RFTN1: variants seen among roughly 807,000 people sequenced by gnomAD.
RFTN1 encodes the protein raftlin, lipid raft linker 1.
RFTN1 carries 26 observed loss-of-function variants against 46.5 expected under a neutral mutation model. The observed-to-expected ratio is 0.56, with a 90% CI of 0.41 to 0.78. The LOEUF is 0.78. RFTN1 is among the 30% of genes least tolerant of loss of function. The pLI, the probability that RFTN1 is intolerant of heterozygous loss-of-function variation, is 0.00. For synonymous variants in RFTN1, 261 were observed against 284.2 expected (o/e 0.92, Z 0.82); for missense variants, 693 against 718.7 (o/e 0.96, Z 0.41).
rs945286332 is a variant in RFTN1, at chr3:16,387,818, C to T, written c.442-9716G>A. 2.6e-5 allele frequency among the ~76,000 whole-genome samples: 4 copies of T among 152,056 alleles called. No homozygotes were observed. Among genetic ancestry groups the T allele is most frequent in the East Asian group, 3.9e-4 (2 of 5,182 alleles). ...AGCCCTCCTGTCACCTCCATGACGC[C>T]AAATCCCACAGGCTTTTTAGCCCTC... On this transcript the variant is annotated intron_variant, in intron 4 of 9. Transcript: ENST00000334133. This position sits in a 1 kb window ranked among gnomAD's most constrained non-coding sequence, Gnocchi z 5.2.
In RFTN1 at chr3:16,461,440, A is replaced by G. The variant is rs545265877; in HGVS notation, c.146-27403T>C. Among the ~76,000 whole-genome samples, 4 of 152,366 alleles carry G rather than the reference A, an allele frequency of 2.6e-5. No homozygotes were observed. The South Asian group carries it at 8.3e-4, about 32-fold the overall frequency. On this transcript the variant is annotated intron_variant, in intron 2 of 9. Transcript: ENST00000334133. ...TATATACACATACACGTACATAAATACATACACATAAATGTATGAATTTTC... is the reference window on the plus strand; with the variant it reads ...TATATACACATACACGTACATAAATGCATACACATAAATGTATGAATTTTC...
Position 16,468,076 on chromosome 3 carries a change from C to T in RFTN1, c.145+25649G>A. ...CAAAGACTGGAACATTCAGGAAGTG[C>T]TTACTCAAAACATAGAAACATCAAT... On this transcript the variant is annotated intron_variant, in intron 2 of 9. Transcript: ENST00000334133. The surrounding 1 kb of genome is among the most constrained non-coding windows in gnomAD (Gnocchi z 4.4). Among the ~76,000 whole-genome samples, 1 of 152,250 alleles carries T rather than the reference C, an allele frequency of 6.6e-6. No homozygotes were observed. The highest frequency in any genetic ancestry group is 2.1e-4 in the South Asian group (1 of 4,820).
intron 3 of RFTN1, among the ~76,000 whole-genome samples, chr3:16,432,675 G>GA (rs199549515): frequency 0.013 from 1,893 of 146,134 alleles, 43 homozygotes; most frequent in African/African-American, 0.043. Flanking sequence ...TGTTTCTACA[G>GA]AAAAAAAAAA....
rs1388220945 is a variant in RFTN1, at chr3:16,426,147, A to G, written c.332+7704T>C. Among the ~76,000 whole-genome samples, 3 of 152,168 alleles carry G rather than the reference A, an allele frequency of 2.0e-5. No individual in the cohort carries two copies. The highest frequency in any genetic ancestry group is 7.2e-5 in the African/African-American group (3 of 41,426). On this transcript the variant is annotated intron_variant, in intron 3 of 9. Coordinates refer to ENST00000334133, the MANE Select transcript of RFTN1 (RefSeq NM_015150.2). This position sits in a 1 kb window ranked among gnomAD's most constrained non-coding sequence, Gnocchi z 5.9. ...CAGTAGCACGCATCAATCAGTGCTA[A>G]ACCCACCGTTACTTTCTTCCCCACG... is the stretch of plus-strand genomic sequence containing the variant.
At chr3:16,394,301 C>T (rs2074419096) in intron 4 of RFTN1, among the ~76,000 whole-genome samples, 1 of 152,140 alleles carries the variant, frequency 6.6e-6, no homozygotes. Context: ...GGCTTGAGCT[C>T]AGGGTTTGAA....
intron 4 of RFTN1, among the ~76,000 whole-genome samples, chr3:16,405,981 C>T (rs1394678511): frequency 1.3e-5 from 2 of 152,084 alleles, no homozygotes; most frequent in Non-Finnish European, 2.9e-5. Context: ...CAAGTGTCAC[C>T]ACTACATATA....
chr3:16,482,938 T>C (rs1318322823), intron 2 of RFTN1: 1 of 978,002 alleles, frequency 1.0e-6, no homozygotes, highest in African/African-American at 1.6e-5. Flanking sequence ...ACTCTGACCC[T>C]GGGGCCTCTT....
At position 16,377,893 on chromosome 3, in the gene RFTN1, T is replaced by G. The variant is rs2073840058; in HGVS notation, c.651A>C (p.Arg217Ser). 1 of 1,614,066 alleles carries G rather than the reference T, an allele frequency of 6.2e-7. No individual in the cohort carries two copies. Among genetic ancestry groups the G allele is most frequent in the Non-Finnish European group, 8.5e-7 (1 of 1,180,038 alleles). The change falls in exon 5 of 10, where the codon AGA becomes AGC. Residue 217 changes from arginine to serine, a missense_variant. Transcript: ENST00000334133. ...CTGAGCTGGGCTCTGGGCTTTGGTT[T>G]CTCCCAGCCGGAGCACTGCACACAT... is the stretch of plus-strand genomic sequence containing the variant. ...TGDVCSAPAG[R>S]NQSPEPSSGP...
At chr3:16,469,523 C>T (rs1304766029) in intron 2 of RFTN1, among the ~76,000 whole-genome samples, 2 of 152,164 alleles carry the variant, frequency 1.3e-5, no homozygotes, top group African/African-American at 2.4e-5. Context: ...GGCAGGTGCA[C>T]GACCTTCCAC....
In RFTN1 at chr3:16,498,602, C is replaced by T. The variant is rs1171766275; in HGVS notation, c.-8-4725G>A. 6.6e-6 allele frequency among the ~76,000 whole-genome samples: 1 copy of T among 152,214 alleles called. No homozygotes were observed. The highest frequency in any genetic ancestry group is 2.4e-5 in the African/African-American group (1 of 41,454). The stretch of plus-strand genomic sequence containing the variant: ...TGGAGTGCGTGCAACCCTGGCTAAG[C>T]AACTGTTTCTAAAGCACAGCCCTCT... On this transcript the variant is annotated intron_variant, in intron 1 of 9. Transcript: ENST00000334133. This position sits in a 1 kb window ranked among gnomAD's most constrained non-coding sequence, Gnocchi z 5.2.
rs902096266 is a variant in RFTN1 at position 16,433,165 on chromosome 3, T to C, written c.332+686A>G. ...AAAACATACTGCTCTCTCCATCCCA[T>C]CCTCACTGTTTTTTTTTTTTAAAAA... is the stretch of plus-strand genomic sequence containing the variant. On this transcript the variant is annotated intron_variant, in intron 3 of 9. Coordinates refer to ENST00000334133, the MANE Select transcript of RFTN1 (RefSeq NM_015150.2). This position sits in a 1 kb window ranked among gnomAD's most constrained non-coding sequence, Gnocchi z 4.4. Among the ~76,000 whole-genome samples the C allele has an allele frequency of 2.3e-5, 3 of 133,214 alleles. No individual in the cohort carries two copies. Among genetic ancestry groups the C allele is most frequent in the African/African-American group, 9.3e-5 (3 of 32,344 alleles). 87.4% of individuals were successfully genotyped at this position (133,214 alleles called of 152,430 possible).
At chr3:16,503,610 T>A in intron 1 of RFTN1, among the ~76,000 whole-genome samples, 1 of 152,194 alleles carries the variant, frequency 6.6e-6, no homozygotes, top group South Asian at 2.1e-4. Context: ...GGGCCCAGGA[T>A]CTCTCCTACA....
In RFTN1 at chr3:16,450,026, T is replaced by C. The variant is rs1008883395; in HGVS notation, c.146-15989A>G. Among the ~76,000 whole-genome samples the C allele has an allele frequency of 6.6e-6, 1 of 152,102 alleles. No homozygotes were observed. The highest frequency in any genetic ancestry group is 6.5e-5 in the Admixed American group (1 of 15,274). On this transcript the variant is annotated intron_variant, in intron 2 of 9. Coordinates refer to ENST00000334133, the MANE Select transcript of RFTN1 (RefSeq NM_015150.2). The surrounding 1 kb of genome is among the most constrained non-coding windows in gnomAD (Gnocchi z 4.6). ...TTGCGGCAGGAATACATTAAGGACA[T>C]AGCACACAAAGCAAAGGCAGAAGAC...
intron 7 of RFTN1, 47 bp from the exon 8 acceptor site, chr3:16,326,923 C>T: frequency 6.8e-7 from 1 of 1,468,746 alleles, no homozygotes; most frequent in South Asian, 1.2e-5. Flanking sequence ...CACAAGCCAA[C>T]TCCCAGGCAA....
In RFTN1 at chr3:16,422,541, G is replaced by T. The variant is rs1003479970; in HGVS notation, c.332+11310C>A. 6.6e-6 allele frequency among the ~76,000 whole-genome samples: 1 copy of T among 151,960 alleles called. No individual in the cohort carries two copies. The highest frequency in any genetic ancestry group is 2.4e-5 in the African/African-American group (1 of 41,352). On this transcript the variant is annotated intron_variant, in intron 3 of 9. Transcript: ENST00000334133. This position sits in a 1 kb window ranked among gnomAD's most constrained non-coding sequence, Gnocchi z 4.6. Reference sequence around the variant, plus strand: ...AGCTACTCAGGAGGCTGAGGCAGGAGAATCACTTGAACCCGGGAGGCGGAA... The same window carrying T: ...AGCTACTCAGGAGGCTGAGGCAGGATAATCACTTGAACCCGGGAGGCGGAA...
intron 7 of RFTN1, among the ~76,000 whole-genome samples, chr3:16,357,150 AAAC>A (rs1326040009): frequency 3.1e-4 from 46 of 150,442 alleles, no homozygotes; most frequent in African/African-American, 6.1e-4. Context: ...ACAAACAAAC[AAAC>A]AAAAAAAACC....
At position 16,335,903 on chromosome 3, in the gene RFTN1, G is replaced by T. The variant is rs1481441322; in HGVS notation, c.1147-9027C>A. 6.6e-6 allele frequency among the ~76,000 whole-genome samples: 1 copy of T among 152,256 alleles called. No homozygotes were observed. The highest frequency in any genetic ancestry group is 1.5e-5 in the Non-Finnish European group (1 of 68,040). On this transcript the variant is annotated intron_variant, in intron 7 of 9. Coordinates refer to ENST00000334133, the MANE Select transcript of RFTN1 (RefSeq NM_015150.2). This position sits in a 1 kb window ranked among gnomAD's most constrained non-coding sequence, Gnocchi z 4.7. ...AGGAGGCCACAGGCAGGACTCCGCA[G>T]GAGGGAAGTGGCCGACAGCAAGGAC...
intron 2 of RFTN1, among the ~76,000 whole-genome samples, chr3:16,492,848 C>A (rs1559374338): frequency 1.3e-5 from 2 of 152,214 alleles, no homozygotes; most frequent in South Asian, 2.1e-4. Context: ...ACTTCCCCCC[C>A]AACACTGGCC....
rs928385814 is a variant in RFTN1 at position 16,481,997 on chromosome 3, A to G, written c.145+11728T>C. 1.3e-5 allele frequency among the ~76,000 whole-genome samples: 2 copies of G among 152,096 alleles called. No individual in the cohort carries two copies. The highest frequency in any genetic ancestry group is 2.4e-5 in the African/African-American group (1 of 41,394). ...TGAGCTGGAGGTCAAACCTAGCCCT[A>G]TTTTAAAGCTGGGAACAACAGAAGC... On this transcript the variant is annotated intron_variant, in intron 2 of 9. Transcript: ENST00000334133. The surrounding 1 kb of genome is among the most constrained non-coding windows in gnomAD (Gnocchi z 5.1).
Sources: allele counts gnomAD v4.1 joint callset (sites outside exome capture counted in the v4.1 genomes callset), GRCh38; gene constraint gnomAD v4.1.1; non-coding constraint Gnocchi (gnomAD v3.1); transcripts MANE v1.5; gene names NCBI Gene and HGNC (gene_info 2026-07-23, HGNC 2026-07-21).